Variants in PCDH15 observed in about 807,000 individuals in gnomAD.
PCDH15 encodes the protein protocadherin related 15, also known as protocadherin-15.
In PCDH15, 129 loss-of-function variants were observed where a neutral mutation model predicts 178.5. The observed-to-expected ratio is 0.72, with a 90% CI of 0.63 to 0.84. The LOEUF (loss-of-function observed/expected upper bound fraction) is 0.84. Among genes scored for constraint, PCDH15 ranks in the 40% least tolerant of loss-of-function variants. The probability of loss-of-function intolerance (pLI) is 0.00; values close to 1 mark genes in which losing one functional copy is unlikely to be tolerated. For synonymous variants in PCDH15, 800 were observed against 732.0 expected (o/e 1.09, Z -1.50); for missense variants, 2,230 against 2,099.9 (o/e 1.06, Z -1.21).
At chr10:55,091,213 T>A (rs1174091883) in intron 2 of PCDH15, among the ~76,000 whole-genome samples, 1 of 151,984 alleles carries the variant, frequency 6.6e-6, no homozygotes, top group Non-Finnish European at 1.5e-5. Flanking sequence ...TGTATGTAGA[T>A]AATTTAAATA....
chr10:55,124,724 A>C (rs1451141127), intron 2 of PCDH15, among the ~76,000 whole-genome samples: 1 of 152,096 alleles, frequency 6.6e-6, no homozygotes, highest in Non-Finnish European at 1.5e-5. Context: ...TATATTGATA[A>C]AAATATTCTG....
chr10:54,050,912 T>C (rs1467590699), intron 18 of PCDH15, among the ~76,000 whole-genome samples: 1 of 152,164 alleles, frequency 6.6e-6, no homozygotes, highest in East Asian at 1.9e-4. Context: ...GTTACTTCTA[T>C]ACTGTTCTCG....
chr10:54,412,899 A>G (rs1953763628), intron 3 of PCDH15, among the ~76,000 whole-genome samples: 1 of 152,052 alleles, frequency 6.6e-6, no homozygotes, highest in East Asian at 1.9e-4. Context: ...TACATTGTTT[A>G]TGTACAAGCT....
intron 3 of PCDH15, among the ~76,000 whole-genome samples, chr10:54,835,954 A>C (rs1226858604): frequency 2.0e-5 from 3 of 152,276 alleles, no homozygotes; most frequent in East Asian, 1.9e-4. Flanking sequence ...CAATCTCTTT[A>C]AAAGATACCA....
intron 25 of PCDH15, among the ~76,000 whole-genome samples, chr10:53,922,001 T>A (rs1410125218): frequency 6.6e-6 from 1 of 152,130 alleles, no homozygotes; most frequent in East Asian, 1.9e-4. Flanking sequence ...TTTTAGTATA[T>A]TTTCTTTTTT....
intron 2 of PCDH15, among the ~76,000 whole-genome samples, chr10:55,338,740 A>G (rs1204954206): frequency 6.6e-6 from 1 of 152,084 alleles, no homozygotes; most frequent in Admixed American, 6.6e-5. Context: ...ATGTCACTGC[A>G]CTCCAGCTCA....
chr10:54,558,108 A>C (rs2087551935), intron 2 of PCDH15, among the ~76,000 whole-genome samples: 1 of 152,132 alleles, frequency 6.6e-6, no homozygotes, highest in African/African-American at 2.4e-5. Context: ...ATATGCAATC[A>C]GGACCCTGAA....
chr10:54,243,870 A>G (rs951306589), intron 8 of PCDH15, among the ~76,000 whole-genome samples: 8 of 152,100 alleles, frequency 5.3e-5, no homozygotes, highest in African/African-American at 1.7e-4. Context: ...GGCCAAGCCA[A>G]TTACTTTGAA....
chr10:54,986,656 T>G (rs1279595901), intron 2 of PCDH15, among the ~76,000 whole-genome samples: 1 of 152,126 alleles, frequency 6.6e-6, no homozygotes, highest in Non-Finnish European at 1.5e-5. Flanking sequence ...ATGGATAAAA[T>G]GTGGTGAAGC....
intron 6 of PCDH15, among the ~76,000 whole-genome samples, chr10:54,332,296 ACATAT>A (rs1373461995): frequency 5.0e-5 from 4 of 79,334 alleles, no homozygotes; most frequent in South Asian, 3.6e-4. Context: ...AATCTATATT[ACATAT>A]TATTATATAT....
At position 54,981,917 on chromosome 10, in the gene PCDH15, T is replaced by C. The variant is rs1839242114; in HGVS notation, c.-79-84417A>G. On this transcript the variant is annotated intron_variant, in intron 2 of 5. Transcript: ENST00000458638. ...CAGCCTCCTGAGTAGCTAGAACTCT[T>C]GGTGCACATTTTGTTTTCCTTTTTT... Among the ~76,000 whole-genome samples the C allele has an allele frequency of 3.3e-5, 5 of 151,646 alleles. No individual in the cohort carries two copies. The South Asian group carries it at 1.0e-3, about 32-fold the overall frequency.
chr10:55,380,097 A>C (rs972797856), intron 2 of PCDH15, among the ~76,000 whole-genome samples: 2 of 152,128 alleles, frequency 1.3e-5, no homozygotes, highest in Non-Finnish European at 2.9e-5. Context: ...CAGAGCCAGA[A>C]CTCACATGAG....
At chr10:55,403,930 A>C (rs1198553305) in intron 2 of PCDH15, among the ~76,000 whole-genome samples, 1 of 152,018 alleles carries the variant, frequency 6.6e-6, no homozygotes, top group Non-Finnish European at 1.5e-5. Context: ...AATCACTTTT[A>C]TGTTGACAAC....
At chr10:54,127,387 T>C (rs992728570) in intron 15 of PCDH15, among the ~76,000 whole-genome samples, 9 of 152,220 alleles carry the variant, frequency 5.9e-5, no homozygotes, top group African/African-American at 1.2e-4. Context: ...CGTAAGTGAT[T>C]GTTCTTTTCA....
chr10:54,151,617 T>A (rs2044543909), intron 14 of PCDH15, among the ~76,000 whole-genome samples: 1 of 151,938 alleles, frequency 6.6e-6, no homozygotes, highest in African/African-American at 2.4e-5. Context: ...GTAAGAAATG[T>A]ACAGAACTTA....
intron 2 of PCDH15, among the ~76,000 whole-genome samples, chr10:55,073,597 C>T (rs562784886): frequency 2.0e-5 from 3 of 152,100 alleles, no homozygotes; most frequent in South Asian, 2.1e-4. Flanking sequence ...GGGACATTGG[C>T]CTGTAGTTTT....
chr10:55,162,678 C>T (rs147218985), intron 2 of PCDH15, among the ~76,000 whole-genome samples: 5 of 152,218 alleles, frequency 3.3e-5, no homozygotes, highest in African/African-American at 7.2e-5. Flanking sequence ...GGCTGAGAAG[C>T]GCCTGAATAT....
intron 25 of PCDH15, among the ~76,000 whole-genome samples, chr10:53,904,866 A>T (rs12767497): frequency 2.9e-4 from 44 of 152,322 alleles, no homozygotes; most frequent in Non-Finnish European, 5.6e-4. Context: ...ACTTCTTTGC[A>T]CTTTCATTCA....
chr10:54,732,712 A>C (rs1049620590), intron 1 of PCDH15, among the ~76,000 whole-genome samples: 49 of 151,664 alleles, frequency 3.2e-4, no homozygotes, highest in African/African-American at 1.2e-3. Flanking sequence ...CCTGATACTA[A>C]AGTCAGACAA....
Sources: allele counts gnomAD v4.1 joint callset (sites outside exome capture counted in the v4.1 genomes callset), GRCh38; gene constraint gnomAD v4.1.1; transcripts MANE v1.5; gene names NCBI Gene and HGNC (gene_info 2026-07-23, HGNC 2026-07-21).